COL5A1: variants seen among roughly 807,000 people sequenced by gnomAD.
The protein encoded by COL5A1 is collagen type V alpha 1 chain, also known as collagen alpha-1(V) chain.
A neutral mutation model predicts 263.7 loss-of-function variants in COL5A1; 16 were observed. That is an observed-to-expected ratio of 0.06 (90% CI 0.04 to 0.09). COL5A1 has a LOEUF of 0.09. Among genes scored for constraint, COL5A1 ranks in the 10% least tolerant of loss-of-function variants. The probability of loss-of-function intolerance (pLI) is 1.00; values close to 1 mark genes in which losing one functional copy is unlikely to be tolerated. For synonymous variants in COL5A1, 1,012 were observed against 1,004.5 expected (o/e 1.01, Z -0.14); for missense variants, 2,036 against 2,540.5 (o/e 0.80, Z 4.27).
chr9:134,756,694 A>C (rs1835988591), intron 16 of COL5A1, 71 bp from the exon 17 acceptor site: 1 of 1,527,418 alleles, frequency 6.5e-7, no homozygotes, highest in African/African-American at 1.4e-5. Flanking sequence ...GGTTTAACGG[A>C]AAACCATGGC....
intron 1 of COL5A1, among the ~76,000 whole-genome samples, chr9:134,645,617 A>G (rs1445786836): frequency 6.6e-6 from 1 of 152,236 alleles, no homozygotes; most frequent in Non-Finnish European, 1.5e-5. Context: ...GGTGAGCATC[A>G]GCTGCACCAT....
At chr9:134,717,884 T>TG (rs955664026) in intron 4 of COL5A1, among the ~76,000 whole-genome samples, 7 of 146,942 alleles carry the variant, frequency 4.8e-5, no homozygotes, top group African/African-American at 7.6e-5. Context: ...CAGGCAGTCA[T>TG]GGGGGGGCTG....
intron 54 of COL5A1, 43 bp downstream of exon 54, chr9:134,817,874 C>T: frequency 6.5e-7 from 1 of 1,548,642 alleles, no homozygotes; most frequent in South Asian, 1.2e-5. Flanking sequence ...TAGACCTCCC[C>T]CAGGGGAGCC....
At chr9:134,772,702 G>A (rs997274690) in intron 25 of COL5A1, 88 bp from the exon 26 acceptor site, 3 of 1,354,166 alleles carry the variant, frequency 2.2e-6, no homozygotes, top group Non-Finnish European at 3.2e-6. Context: ...TGGGCTCCAT[G>A]ATCATGGATG....
chr9:134,814,028 G>A lies in COL5A1; in HGVS notation c.3898G>A (p.Gly1300Ser), dbSNP rs769814019. The change falls in exon 49 of 66, where the codon GGC becomes AGC. Residue 1300 changes from glycine to serine, a missense_variant. Transcript: ENST00000371817. ...AGEPGLPGEGGPPGPKGERGE... is the reference protein window; with the variant it reads ...AGEPGLPGEGSPPGPKGERGE... The stretch of plus-strand genomic sequence containing the variant: ...TGAGCCTGGCCTTCCGGGAGAAGGC[G>A]GCCCCCCGGTGAGTGAGCGGGCGCT... The A allele has an allele frequency of 5.2e-6, 8 of 1,550,776 alleles. No individual in the cohort carries two copies. The highest frequency in any genetic ancestry group is 2.4e-5 in the South Asian group (2 of 84,058).
At chr9:134,834,645 G>C (rs775313823) in intron 64 of COL5A1, among the ~76,000 whole-genome samples, 3 of 152,196 alleles carry the variant, frequency 2.0e-5, no homozygotes, top group Non-Finnish European at 4.4e-5. Flanking sequence ...GGCAGCCACA[G>C]AGTAGGTGCA....
chr9:134,780,741 G>T (rs553209060), intron 28 of COL5A1, among the ~76,000 whole-genome samples: 55 of 152,350 alleles, frequency 3.6e-4, no homozygotes, highest in Non-Finnish European at 4.6e-4. Flanking sequence ...GCAGCCTGCA[G>T]CGGCGACAGC....
At position 134,794,879 on chromosome 9, in the gene COL5A1, A is replaced by G. The variant is rs1290039322; in HGVS notation, c.2701-203A>G. ...TCAGCAGGACTTGTGCAGGAGTGCA[A>G]AGCTGTGTGTGTCGGGTGTGCGGTG... On this transcript the variant is annotated intron_variant, in intron 32 of 65. Transcript: ENST00000371817. The surrounding 1 kb of genome is among the most constrained non-coding windows in gnomAD (Gnocchi z 4.3). Among the ~76,000 whole-genome samples the G allele has an allele frequency of 6.6e-6, 1 of 152,182 alleles. No individual in the cohort carries two copies. Among genetic ancestry groups the G allele is most frequent in the East Asian group, 1.9e-4 (1 of 5,186 alleles).
At chr9:134,648,870 T>C (rs950163820) in intron 1 of COL5A1, among the ~76,000 whole-genome samples, 4 of 152,194 alleles carry the variant, frequency 2.6e-5, no homozygotes, top group African/African-American at 9.6e-5. Context: ...AGGTGCATCC[T>C]TGGGCAGTCG....
chr9:134,733,355 G>C (rs1488191719), intron 9 of COL5A1, among the ~76,000 whole-genome samples: 1 of 152,234 alleles, frequency 6.6e-6, no homozygotes, highest in Non-Finnish European at 1.5e-5. Context: ...GGAATTCCCA[G>C]GGTCCAGGGC....
At position 134,765,757 on chromosome 9, in the gene COL5A1, T is replaced by C. The variant is rs1836639145; in HGVS notation, c.2088+23T>C. ...CCCGTAAGTCCCATTACCGCCCTGCTTGTCTGCCCCCATCTCGGCCTTTGA... is the reference window on the plus strand; with the variant it reads ...CCCGTAAGTCCCATTACCGCCCTGCCTGTCTGCCCCCATCTCGGCCTTTGA... On this transcript the variant is annotated intron_variant, in intron 21 of 65. Transcript: ENST00000371817. The surrounding 1 kb of genome is among the most constrained non-coding windows in gnomAD (Gnocchi z 5.1). 1.1e-5 allele frequency: 17 copies of C among 1,607,334 alleles called. No homozygotes were observed. Among genetic ancestry groups the C allele is most frequent in the Non-Finnish European group, 1.4e-5 (16 of 1,175,558 alleles).
At chr9:134,792,884 T>TGTGTGTGCGCGCGTGTGTGCACGCGC (rs1837764112) in intron 32 of COL5A1, among the ~76,000 whole-genome samples, 1 of 30,500 alleles carries the variant, frequency 3.3e-5, no homozygotes, top group Admixed American at 3.7e-4. Flanking sequence ...TGTGCACACG[T>TGTGTGTGCGCGCGTGTGTGCACGCGC]GTGTGTGCGC....
rs1839002505 is a variant in COL5A1, at chr9:134,821,592, C to G, written c.4555-505C>G. Reference sequence around the variant, plus strand: ...GAGGGAGTCAGTGGGGAGAAGGGGTCTGAGCGGAGGTTCCACGCTCCAAGG... The same window carrying G: ...GAGGGAGTCAGTGGGGAGAAGGGGTGTGAGCGGAGGTTCCACGCTCCAAGG... On this transcript the variant is annotated intron_variant, in intron 58 of 65. Coordinates refer to ENST00000371817, the MANE Select transcript of COL5A1 (RefSeq NM_000093.5). This position sits in a 1 kb window ranked among gnomAD's most constrained non-coding sequence, Gnocchi z 4.2. Among the ~76,000 whole-genome samples the G allele has an allele frequency of 6.6e-6, 1 of 152,178 alleles. No homozygotes were observed. The highest frequency in any genetic ancestry group is 6.5e-5 in the Admixed American group (1 of 15,274).
intron 4 of COL5A1, among the ~76,000 whole-genome samples, chr9:134,718,299 G>T (rs953264466): frequency 6.6e-6 from 1 of 152,236 alleles, no homozygotes; most frequent in Non-Finnish European, 1.5e-5. Flanking sequence ...CAGCAGAGCG[G>T]AATGGCCGTA....
intron 65 of COL5A1, among the ~76,000 whole-genome samples, chr9:134,838,827 G>A (rs934200175): frequency 3.3e-5 from 5 of 152,212 alleles, no homozygotes; most frequent in Non-Finnish European, 7.3e-5. Context: ...CAGGCTCTGC[G>A]GCCAAGCTGG....
At chr9:134,836,584 G>A (rs944976438) in intron 65 of COL5A1, among the ~76,000 whole-genome samples, 1 of 152,226 alleles carries the variant, frequency 6.6e-6, no homozygotes, top group Non-Finnish European at 1.5e-5. Context: ...TCAGTGTGAG[G>A]CCTGGGCAGG....
chr9:134,728,816 T>C lies in COL5A1; in HGVS notation c.924+9T>C. 2 of 1,613,966 alleles carry C rather than the reference T, an allele frequency of 1.2e-6. No individual in the cohort carries two copies. Among genetic ancestry groups the C allele is most frequent in the Non-Finnish European group, 1.7e-6 (2 of 1,180,014 alleles). On this transcript the variant is annotated intron_variant, in intron 6 of 65. Coordinates refer to ENST00000371817, the MANE Select transcript of COL5A1 (RefSeq NM_000093.5). ...CCACAGAGGTCCCCGAGGTCTGGGC[T>C]GAGCGGGGGACTGGGTTGGGCTGGG...
intron 4 of COL5A1, among the ~76,000 whole-genome samples, chr9:134,717,278 T>C (rs1834298578): frequency 6.6e-6 from 1 of 152,156 alleles, no homozygotes; most frequent in Non-Finnish European, 1.5e-5. Flanking sequence ...GGAAGCCCCG[T>C]GCAAGAGACT....
At chr9:134,832,074 G>A (rs1479096476) in intron 64 of COL5A1, among the ~76,000 whole-genome samples, 1 of 152,076 alleles carries the variant, frequency 6.6e-6, no homozygotes, top group East Asian at 1.9e-4. Context: ...AGACCAGCCT[G>A]GGCAACATAC....
Sources: allele counts gnomAD v4.1 joint callset (sites outside exome capture counted in the v4.1 genomes callset), GRCh38; gene constraint gnomAD v4.1.1; non-coding constraint Gnocchi (gnomAD v3.1); transcripts MANE v1.5; gene names NCBI Gene and HGNC (gene_info 2026-07-23, HGNC 2026-07-21).